SLC39A12: variants seen among roughly 807,000 people sequenced by gnomAD.
SLC39A12 encodes the protein zinc transporter ZIP12.
In SLC39A12, 63 loss-of-function variants were observed where a neutral mutation model predicts 71.1. The observed-to-expected ratio is 0.89, with a 90% CI of 0.72 to 1.09. The LOEUF (loss-of-function observed/expected upper bound fraction) is 1.09, where lower values mean the gene tolerates loss of function less well. SLC39A12 is among the 50% of genes least tolerant of loss of function. SLC39A12 has a pLI of 0.00. For synonymous variants in SLC39A12, 351 were observed against 301.3 expected (o/e 1.16, Z -1.71); for missense variants, 892 against 812.6 (o/e 1.10, Z -1.19).
At chr10:18,036,746 T>C (rs1303606951) in intron 12 of SLC39A12, among the ~76,000 whole-genome samples, 1 of 37,496 alleles carries the variant, frequency 2.7e-5, no homozygotes, top group African/African-American at 1.1e-4. Flanking sequence ...ATTTTAAAAA[T>C]TATATATATA....
intron 12 of SLC39A12, among the ~76,000 whole-genome samples, chr10:18,013,967 T>C (rs1031921622): frequency 6.6e-6 from 1 of 152,220 alleles, no homozygotes. Flanking sequence ...AGATTTCATA[T>C]GAATTTTAGG....
chr10:17,961,546 G>C (rs781932624), intron 2 of SLC39A12, 35 bp from the exon 3 acceptor site: 1 of 1,573,552 alleles, frequency 6.4e-7, no homozygotes, highest in African/African-American at 1.4e-5. Context: ...GCTAAGCTTT[G>C]TTTCTTTTGT....
chr10:18,042,184 C>T (rs902813392), intron 12 of SLC39A12, among the ~76,000 whole-genome samples: 1 of 152,054 alleles, frequency 6.6e-6, no homozygotes, highest in Admixed American at 6.6e-5. Flanking sequence ...CATTTTAAGA[C>T]TTCTACCAAA....
chr10:18,010,698 C>T (rs1357403607), intron 12 of SLC39A12: 3 of 152,286 alleles, frequency 2.0e-5, no homozygotes, highest in Admixed American at 1.3e-4. Flanking sequence ...TTCTACTCCT[C>T]GTTCCTCTTT....
At chr10:17,996,829 C>G (rs2497759) in intron 10 of SLC39A12, among the ~76,000 whole-genome samples, 36,899 of 151,726 alleles carry the variant, frequency 0.24, 5,536 homozygotes, top group Admixed American at 0.39. Context: ...AACCCCGTCT[C>G]TACTAAAAAA....
intron 12 of SLC39A12, among the ~76,000 whole-genome samples, chr10:18,007,955 C>T (rs1479976212): frequency 3.3e-5 from 5 of 152,196 alleles, no homozygotes; most frequent in East Asian, 1.9e-4. Context: ...TTACCCAGCT[C>T]CTATTCAAGA....
chr10:17,983,836 G>A (rs1311457108), intron 6 of SLC39A12, among the ~76,000 whole-genome samples: 1 of 152,034 alleles, frequency 6.6e-6, no homozygotes. Flanking sequence ...AATCGAAAAT[G>A]TTGCATTATG....
At chr10:18,010,634 C>A (rs556263299) in intron 12 of SLC39A12, 1 of 152,116 alleles carries the variant, frequency 6.6e-6, no homozygotes, top group Non-Finnish European at 1.5e-5. Context: ...CTTTGGTGAA[C>A]GCTGAATTCT....
chr10:17,991,125 C>CTTTTTTTTTTTTTTTTT (rs58262664), intron 7 of SLC39A12, 26 bp from the exon 8 acceptor site: 1 of 1,190,200 alleles, frequency 8.4e-7, no homozygotes, highest in African/African-American at 1.7e-5. Context: ...TTCTCTCTGC[C>CTTTTTTTTTTTTTTTTT]TTTTTTTTTT....
intron 12 of SLC39A12, among the ~76,000 whole-genome samples, chr10:18,033,259 G>A (rs1376977946): frequency 6.8e-6 from 1 of 148,144 alleles, no homozygotes; most frequent in Non-Finnish European, 1.5e-5. Flanking sequence ...GGTAGAATTT[G>A]GCTGTGAATC....
intron 12 of SLC39A12, among the ~76,000 whole-genome samples, chr10:18,024,938 C>A (rs1175847940): frequency 6.6e-6 from 1 of 152,244 alleles, no homozygotes; most frequent in East Asian, 1.9e-4. Flanking sequence ...ACTTATATAC[C>A]TTTCTCCAAC....
intron 12 of SLC39A12, among the ~76,000 whole-genome samples, chr10:18,039,509 G>T (rs188053329): frequency 5.9e-5 from 9 of 152,298 alleles, no homozygotes; most frequent in African/African-American, 2.2e-4. Flanking sequence ...AGGAAGATCA[G>T]TTGAGCCCCG....
At chr10:17,999,194 AG>A in intron 10 of SLC39A12, among the ~76,000 whole-genome samples, 1 of 144,068 alleles carries the variant, frequency 6.9e-6, no homozygotes, top group Non-Finnish European at 1.5e-5. Flanking sequence ...GCAACTCGGG[AG>A]GCTGAGACAG....
intron 6 of SLC39A12, among the ~76,000 whole-genome samples, chr10:17,983,380 T>TG (rs1232401353): frequency 1.3e-5 from 2 of 151,736 alleles, no homozygotes; most frequent in Non-Finnish European, 2.9e-5. Context: ...CTCAGATACT[T>TG]GGGGGGCTGA....
Position 17,981,465 on chromosome 10 carries a change from C to T in SLC39A12, c.1078C>T (p.Pro360Ser). 1 of 1,612,752 alleles carries T rather than the reference C, an allele frequency of 6.2e-7. No homozygotes were observed. The highest frequency in any genetic ancestry group is 1.3e-5 in the African/African-American group (1 of 74,994). ...ACCCAAGGACCAACAAGCAAAGCTG[C>T]CACCTACCACTCTGGAGAGTAAGTT... ...HLPKDQQAKL[P>S]PTTLEKYGYS... The change falls in exon 6 of 13, where the codon CCA becomes TCA. Residue 360 changes from proline to serine, a missense_variant. Coordinates refer to ENST00000377369, the MANE Select transcript of SLC39A12 (RefSeq NM_001145195.2).
chr10:17,965,517 G>T lies in SLC39A12; in HGVS notation c.578G>T (p.Gly193Val). The change falls in exon 4 of 13, where the codon GGA becomes GTA. Residue 193 changes from glycine to valine, a missense_variant. Gly to Val is a moderately radical substitution (Grantham distance 109). Coordinates refer to ENST00000377369, the MANE Select transcript of SLC39A12 (RefSeq NM_001145195.2). ...ACCAAAACGCTGCAGAAAAAATCTG[G>T]AATAGTGAGCAGTGAAGGTGCTAAT... is the stretch of plus-strand genomic sequence containing the variant. ...METKTLQKKS[G>V]IVSSEGANES... The T allele has an allele frequency of 1.2e-6, 2 of 1,614,124 alleles. No homozygotes were observed. The highest frequency in any genetic ancestry group is 1.7e-6 in the Non-Finnish European group (2 of 1,180,022).
At chr10:17,955,846 G>T (rs1554847727) in intron 2 of SLC39A12, among the ~76,000 whole-genome samples, 2 of 152,092 alleles carry the variant, frequency 1.3e-5, no homozygotes, top group Admixed American at 1.3e-4. Context: ...AATGAGAAGG[G>T]GTAGAATATA....
At chr10:17,969,857 A>G (rs1307961136) in intron 4 of SLC39A12, among the ~76,000 whole-genome samples, 2 of 152,178 alleles carry the variant, frequency 1.3e-5, no homozygotes, top group African/African-American at 4.8e-5. Flanking sequence ...GAAATTTTCG[A>G]CCAGACCAAT....
intron 4 of SLC39A12, among the ~76,000 whole-genome samples, chr10:17,971,515 C>T (rs1018709907): frequency 5.3e-5 from 8 of 151,682 alleles, no homozygotes; most frequent in South Asian, 2.1e-4. Context: ...TCTCATCACT[C>T]GTTATTGGAC....
Sources: allele counts gnomAD v4.1 joint callset (sites outside exome capture counted in the v4.1 genomes callset), GRCh38; gene constraint gnomAD v4.1.1; transcripts MANE v1.5; gene names NCBI Gene and HGNC (gene_info 2026-07-23, HGNC 2026-07-21).